Variants in RTN4R observed in about 807,000 individuals in gnomAD.
The protein encoded by RTN4R is reticulon 4 receptor.
A neutral mutation model predicts 27.7 loss-of-function variants in RTN4R; 4 were observed. That is an observed-to-expected ratio of 0.14 (90% CI 0.07 to 0.33). The LOEUF (loss-of-function observed/expected upper bound fraction) is 0.33. RTN4R is among the 10% of genes least tolerant of loss of function. The pLI is 1.00. For missense variants in RTN4R, 554 were observed against 671.5 expected, an observed-to-expected ratio of 0.83 and a Z score of 1.93; for synonymous variants, 290 against 305.6, an observed-to-expected ratio of 0.95 and a Z score of 0.53.
intron 1 of RTN4R, among the ~76,000 whole-genome samples, chr22:20,251,922 C>T: frequency 0.011 from 2 of 190 alleles, no homozygotes; most frequent in Admixed American, 0.062. Flanking sequence ...TCCTTATCAC[C>T]ATCATCATCC....
intron 1 of RTN4R, chr22:20,243,345 C>A: frequency 1.4e-6 from 1 of 702,624 alleles, no homozygotes; most frequent in Non-Finnish European, 2.6e-6. Context: ...CTGGAAGCCA[C>A]ATCTGCAGAC....
chr22:20,247,566 G>A (rs2051149366), intron 1 of RTN4R, among the ~76,000 whole-genome samples: 2 of 151,586 alleles, frequency 1.3e-5, no homozygotes, highest in Non-Finnish European at 1.5e-5. Context: ...CACGTGCAGG[G>A]GCAGCCAGAA....
chr22:20,244,472 C>G (rs1376675114), intron 1 of RTN4R, among the ~76,000 whole-genome samples: 1 of 152,236 alleles, frequency 6.6e-6, no homozygotes, highest in Non-Finnish European at 1.5e-5. Flanking sequence ...TCCTCAGACC[C>G]CCTCCCCACA....
intron 1 of RTN4R, among the ~76,000 whole-genome samples, chr22:20,267,074 C>T (rs1266854220): frequency 1.3e-5 from 2 of 152,242 alleles, no homozygotes; most frequent in Admixed American, 6.5e-5. Flanking sequence ...AGGCATGCCG[C>T]GTGCATGCAT....
At position 20,242,455 on chromosome 22, in the gene RTN4R, G is replaced by T; in HGVS notation, c.678C>A (p.Gly226=). 6.2e-7 allele frequency: 1 copy of T among 1,613,672 alleles called. No homozygotes were observed. Among genetic ancestry groups the T allele is most frequent in the South Asian group, 1.1e-5 (1 of 91,088 alleles). The part of the protein sequence containing the change: ...HVHPHAFRDL[G]RLMTLYLFAN... The stretch of plus-strand genomic sequence containing the variant: ...CAAACAGATAGAGTGTCATGAGGCG[G>T]CCAAGGTCACGGAAGGCATGCGGGT... Residue 226 remains glycine (G), a synonymous_variant, in exon 2 of 2, where the codon GGC becomes GGA. Transcript: ENST00000043402.
In RTN4R at chr22:20,242,983, A is replaced by C; in HGVS notation, c.150T>G (p.Ala50=). Residue 50 remains alanine (A), a synonymous_variant, in exon 2 of 2, where the codon GCT becomes GCG. Transcript: ENST00000043402. ...TGGCAGCAGGGATGCCCACGGGCAC[A>C]GCCTGCAGGCCCTGCTGGGGGCAGC... is the stretch of plus-strand genomic sequence containing the variant. The part of the protein sequence containing the change: ...TTSCPQQGLQ[A]VPVGIPAASQ... The C allele has an allele frequency of 6.2e-7, 1 of 1,611,324 alleles. No homozygotes were observed. Among genetic ancestry groups the C allele is most frequent in the South Asian group, 1.1e-5 (1 of 91,058 alleles).
In RTN4R at chr22:20,241,743, G is replaced by A. The variant is rs538416211; in HGVS notation, c.1390C>T (p.Leu464=). Residue 464 remains leucine (L), a synonymous_variant, in exon 2 of 2, where the codon CTG becomes TTG. Transcript: ENST00000043402. Reference sequence around the variant, plus strand: ...GGCCCAAGCACTGTCCACAGCACCAGCGCCAGGCCCAGGGGGGTGAGGCTG... The same window carrying A: ...GGCCCAAGCACTGTCCACAGCACCAACGCCAGGCCCAGGGGGGTGAGGCTG... ...TCSLTPLGLA[L]VLWTVLGPC is the part of the protein sequence containing the mutation. The A allele has an allele frequency of 8.4e-6, 13 of 1,551,178 alleles. No individual in the cohort carries two copies. Among genetic ancestry groups the A allele is most frequent in the Non-Finnish European group, 1.0e-5 (12 of 1,147,346 alleles).
In RTN4R at chr22:20,255,921, G is replaced by A. The variant is rs1010747966; in HGVS notation, c.22+12150C>T. Among the ~76,000 whole-genome samples the A allele has an allele frequency of 1.3e-5, 2 of 152,250 alleles. No homozygotes were observed. Among genetic ancestry groups the A allele is most frequent in the Admixed American group, 6.5e-5 (1 of 15,294 alleles). ...TCCACAACCAAACCGAGGCACGCACGCAGCGGCGACGTGAATAAGTAATTG... is the reference window on the plus strand; with the variant it reads ...TCCACAACCAAACCGAGGCACGCACACAGCGGCGACGTGAATAAGTAATTG... On this transcript the variant is annotated intron_variant, in intron 1 of 1. Coordinates refer to ENST00000043402, the MANE Select transcript of RTN4R (RefSeq NM_023004.6). This position sits in a 1 kb window ranked among gnomAD's most constrained non-coding sequence, Gnocchi z 4.8.
At chr22:20,261,818 G>T (rs1381590888) in intron 1 of RTN4R, among the ~76,000 whole-genome samples, 1 of 152,254 alleles carries the variant, frequency 6.6e-6, no homozygotes, top group Non-Finnish European at 1.5e-5. Context: ...AGACACAGGT[G>T]CCAGGCACTG....
At chr22:20,249,056 G>A in intron 1 of RTN4R, 1 of 517,074 alleles carries the variant, frequency 1.9e-6, no homozygotes, top group Non-Finnish European at 4.0e-6. Context: ...TTGCCCCACA[G>A]GAGGCTTGAG....
At chr22:20,256,074 C>T (rs531964335) in intron 1 of RTN4R, among the ~76,000 whole-genome samples, 6 of 152,346 alleles carry the variant, frequency 3.9e-5, no homozygotes, top group African/African-American at 7.2e-5. Flanking sequence ...GCCCAGGTGC[C>T]GCTGCCTCTT....
intron 1 of RTN4R, among the ~76,000 whole-genome samples, chr22:20,257,946 C>T (rs896922894): frequency 6.6e-6 from 1 of 152,172 alleles, no homozygotes; most frequent in Non-Finnish European, 1.5e-5. Context: ...AGGTCTCAGG[C>T]AGGCCCCCCA....
intron 1 of RTN4R, 163 bp from the exon 2 acceptor site, chr22:20,243,273 T>C (rs2051120580): frequency 1.4e-6 from 1 of 702,940 alleles, no homozygotes; most frequent in Non-Finnish European, 2.5e-6. Context: ...TTGGGATCCC[T>C]GCTTCACAGG....
chr22:20,243,386 G>T, intron 1 of RTN4R: 1 of 680,786 alleles, frequency 1.5e-6, no homozygotes, highest in Non-Finnish European at 2.8e-6. Flanking sequence ...GCAGCCCACT[G>T]GGTCACCAGG....
In RTN4R at chr22:20,260,005, G is replaced by A. The variant is rs373154721; in HGVS notation, c.22+8066C>T. On this transcript the variant is annotated intron_variant, in intron 1 of 1. Transcript: ENST00000043402. Reference sequence around the variant, plus strand: ...GGGACTGGACCAGGGCCCACTGGGAGTGCATCTTGGTGCCTGAAACTGCAC... The same window carrying A: ...GGGACTGGACCAGGGCCCACTGGGAATGCATCTTGGTGCCTGAAACTGCAC... 3.3e-5 allele frequency among the ~76,000 whole-genome samples: 5 copies of A among 152,310 alleles called. No homozygotes were observed. The South Asian group carries it at 6.2e-4, about 19-fold the overall frequency.
intron 1 of RTN4R, among the ~76,000 whole-genome samples, chr22:20,254,369 C>T (rs1013841154): frequency 6.6e-6 from 1 of 151,148 alleles, no homozygotes; most frequent in African/African-American, 2.4e-5. Flanking sequence ...TTTGAGGCTG[C>T]AGTGAGCCAT....
chr22:20,256,743 G>A (rs937930217), intron 1 of RTN4R, among the ~76,000 whole-genome samples: 3 of 152,232 alleles, frequency 2.0e-5, no homozygotes, highest in African/African-American at 7.2e-5. Context: ...CCCCGATCAT[G>A]GCTGCAGCAG....
chr22:20,266,763 A>G (rs192236135), intron 1 of RTN4R, among the ~76,000 whole-genome samples: 18 of 152,352 alleles, frequency 1.2e-4, no homozygotes, highest in African/African-American at 4.3e-4. Context: ...ATTAGGCCAC[A>G]GCCTGTCTAG....
chr22:20,241,671 CA>C lies in RTN4R; in HGVS notation c.*39del. On this transcript the variant is annotated 3_prime_UTR_variant, in exon 2 of 2. Coordinates refer to ENST00000043402, the MANE Select transcript of RTN4R (RefSeq NM_023004.6). ...CGTGGAGAGAGACCCCGTATGTACA[CA>C]CACCTGGCTGCTGAGCACGCTCTTG... 1 of 1,547,108 alleles carries C rather than the reference CA, an allele frequency of 6.5e-7. No individual in the cohort carries two copies. Among genetic ancestry groups the C allele is most frequent in the Non-Finnish European group, 8.7e-7 (1 of 1,145,682 alleles).
Sources: gnomAD v4.1 joint callset for allele counts (sites outside exome capture counted in the v4.1 genomes callset) on GRCh38, gnomAD v4.1.1 for gene constraint, Gnocchi (gnomAD v3.1) non-coding constraint, MANE v1.5 for transcripts, NCBI Gene and HGNC (gene_info 2026-07-23, HGNC 2026-07-21) for gene names.